The following PEX1 variants were observed in gnomAD, a reference collection of about 807,000 sequenced individuals.
PEX1 encodes peroxisomal ATPase PEX1.
In PEX1, 97 loss-of-function variants were observed where a neutral mutation model predicts 152.5. The ratio of observed to expected loss-of-function variants is 0.64; its 90% CI spans 0.54 to 0.75. The LOEUF (loss-of-function observed/expected upper bound fraction) is 0.75. Among genes scored for constraint, PEX1 ranks in the 30% least tolerant of loss-of-function variants. The probability of loss-of-function intolerance (pLI) is 0.00; values close to 1 mark genes in which losing one functional copy is unlikely to be tolerated. For synonymous variants in PEX1, 485 were observed against 531.6 expected, an observed-to-expected ratio of 0.91 and a Z score of 1.21; for missense variants, 1,357 against 1,516.3, an observed-to-expected ratio of 0.89 and a Z score of 1.74.
intron 2 of PEX1, among the ~76,000 whole-genome samples, chr7:92,521,657 C>A (rs998661408): frequency 6.6e-6 from 1 of 151,470 alleles, no homozygotes; most frequent in Non-Finnish European, 1.5e-5. Context: ...GGCTGGTCTC[C>A]AACTCCTGAC....
At chr7:92,497,077 C>T (rs778858613) in intron 16 of PEX1, among the ~76,000 whole-genome samples, 1 of 152,174 alleles carries the variant, frequency 6.6e-6, no homozygotes, top group Non-Finnish European at 1.5e-5. Context: ...CTATGACTCA[C>T]TCCAGTTACT....
At position 92,489,893 on chromosome 7, in the gene PEX1, CAG is replaced by C. The variant is rs759183382; in HGVS notation, c.3455_3456del (p.Ser1152CysfsTer78). On this transcript the variant is annotated frameshift_variant, in exon 22 of 24. Coordinates refer to ENST00000248633, the MANE Select transcript of PEX1 (RefSeq NM_000466.3). LOFTEE classifies it high-confidence loss of function. ...TSSDLSSQCLSAPSSMTQDLP... is the reference protein window; with the variant it reads ...TSSDLSSQCLXAPSSMTQDLP... The stretch of plus-strand genomic sequence containing the variant: ...AAATCCTGAGTCATGGAGCTTGGTG[CAG>C]AGAGACATTGTGAGCTCTGCATGGT... The C allele has an allele frequency of 1.9e-6, 3 of 1,613,590 alleles. No individual in the cohort carries two copies. In the African/African-American group the frequency reaches 4.0e-5, roughly 22 times the overall value.
chr7:92,498,084 A>C (rs1791742785), intron 16 of PEX1, among the ~76,000 whole-genome samples: 1 of 151,564 alleles, frequency 6.6e-6, no homozygotes, highest in Non-Finnish European at 1.5e-5. Context: ...AAAAAAAAAA[A>C]AAAAAACTAA....
At chr7:92,496,815 A>T in intron 16 of PEX1, 38 bp from the exon 17 acceptor site, 1 of 1,349,282 alleles carries the variant, frequency 7.4e-7, no homozygotes, top group East Asian at 2.3e-5. Context: ...AAATTATTTA[A>T]AAAGAAAATA....
At chr7:92,515,099 A>C (rs183858263) in intron 5 of PEX1, among the ~76,000 whole-genome samples, 11 of 6,290 alleles carry the variant, frequency 1.7e-3, no homozygotes, top group Admixed American at 9.4e-3. Context: ...ATATATATAT[A>C]TATATATATA....
At chr7:92,523,673 T>A (rs942523795) in intron 1 of PEX1, among the ~76,000 whole-genome samples, 1 of 151,950 alleles carries the variant, frequency 6.6e-6, no homozygotes, top group Non-Finnish European at 1.5e-5. Flanking sequence ...CAATAATAAA[T>A]TTTAAAAATC....
intron 17 of PEX1, 81 bp downstream of exon 17, chr7:92,496,632 C>CA (rs1304245274): frequency 1.1e-6 from 1 of 944,586 alleles, no homozygotes; most frequent in Non-Finnish European, 1.8e-6. Flanking sequence ...ATCAGTTCTT[C>CA]AAAAAACAAG....
intron 20 of PEX1, among the ~76,000 whole-genome samples, chr7:92,492,128 A>G (rs1791364613): frequency 6.6e-6 from 1 of 152,184 alleles, no homozygotes; most frequent in African/African-American, 2.4e-5. Flanking sequence ...TGGGATACAG[A>G]AAGTACAAGA....
chr7:92,489,502 A>G, intron 22 of PEX1, 79 bp from the exon 23 acceptor site: 2 of 1,305,796 alleles, frequency 1.5e-6, no homozygotes, highest in Non-Finnish European at 2.2e-6. Flanking sequence ...GTTACTTCTT[A>G]TTGTCAGTTT....
In PEX1 at chr7:92,518,219, C is replaced by A. The variant is rs747529442; in HGVS notation, c.394G>T (p.Asp132Tyr). The stretch of plus-strand genomic sequence containing the variant: ...TTTGGAAAAACTATTCGAATTTGAT[C>A]TAGAAGATGTTGTTCAAGGGAAACA... ...HAVSLEQHLL[D>Y]QIRIVFPKAI... Residue 132 changes from aspartate to tyrosine, a missense_variant, in exon 4 of 24, where the codon GAT becomes TAT. Asp to Tyr is a radical substitution (Grantham distance 160). Coordinates refer to ENST00000248633, the MANE Select transcript of PEX1 (RefSeq NM_000466.3). 5 of 1,613,314 alleles carry A rather than the reference C, an allele frequency of 3.1e-6. No individual in the cohort carries two copies. The highest frequency in any genetic ancestry group is 4.2e-6 in the Non-Finnish European group (5 of 1,179,410).
chr7:92,511,789 A>T (rs1792481473), intron 6 of PEX1, 86 bp from the exon 7 acceptor site: 3 of 1,282,590 alleles, frequency 2.3e-6, no homozygotes, highest in Non-Finnish European at 3.3e-6. Flanking sequence ...TCTTCCTAAT[A>T]AAGTGTAAGC....
intron 19 of PEX1, 59 bp from the exon 20 acceptor site, chr7:92,493,188 A>G: frequency 1.1e-6 from 1 of 951,544 alleles, no homozygotes; most frequent in Non-Finnish European, 1.6e-6. Flanking sequence ...ATTATCTTAA[A>G]TTGTGTATCT....
chr7:92,493,935 T>G, intron 19 of PEX1: 1 of 279,980 alleles, frequency 3.6e-6, no homozygotes, highest in Non-Finnish European at 6.9e-6. Flanking sequence ...CCTGCTTACA[T>G]GCTTACGATT....
At position 92,487,323 on chromosome 7, in the gene PEX1, C is replaced by T. The variant is rs1008875879; in HGVS notation, c.*134G>A. On this transcript the variant is annotated 3_prime_UTR_variant, in exon 24 of 24. Coordinates refer to ENST00000248633, the MANE Select transcript of PEX1 (RefSeq NM_000466.3). ...GATCATTACATAATTATAGCATTTA[C>T]CAATCTGTGATTTTATAAATTAACC... 3.4e-6 allele frequency: 2 copies of T among 586,002 alleles called. No homozygotes were observed. The highest frequency in any genetic ancestry group is 3.0e-6 in the Non-Finnish European group (1 of 329,800). 36.3% of individuals were successfully genotyped at this position (586,002 alleles called of 1,614,324 possible).
chr7:92,511,783 C>T, intron 6 of PEX1, 80 bp from the exon 7 acceptor site: 34 of 1,323,610 alleles, frequency 2.6e-5, no homozygotes, highest in Non-Finnish European at 3.6e-5. Context: ...ATCTGATCTT[C>T]CTAATAAAGT....
intron 1 of PEX1, among the ~76,000 whole-genome samples, chr7:92,526,151 G>A (rs1793258627): frequency 6.6e-6 from 1 of 152,180 alleles, no homozygotes; most frequent in Admixed American, 6.5e-5. Context: ...AGATGCTTAA[G>A]GTCTCTATCG....
At position 92,494,509 on chromosome 7, in the gene PEX1, CAACT is replaced by C; in HGVS notation, c.2900_2903del (p.Gln967ArgfsTer4). ...TACCCTGTAAGCCTTCTACTCCATC[CAACT>C]GAGTCAGCAACTGGTTAACTACTCG... On this transcript the variant is annotated frameshift_variant, in exon 18 of 24. Transcript: ENST00000248633. LOFTEE classifies it high-confidence loss of function. 6.2e-7 allele frequency: 1 copy of C among 1,613,868 alleles called. No homozygotes were observed. The highest frequency in any genetic ancestry group is 8.5e-7 in the Non-Finnish European group (1 of 1,179,818).
intron 17 of PEX1, 88 bp from the exon 18 acceptor site, chr7:92,494,717 T>G: frequency 2.1e-6 from 2 of 945,600 alleles, no homozygotes; most frequent in Non-Finnish European, 3.1e-6. Context: ...GTATTTATTT[T>G]ATGTATTTAT....
At chr7:92,504,061 T>G (rs944476767) in intron 12 of PEX1, among the ~76,000 whole-genome samples, 4 of 152,076 alleles carry the variant, frequency 2.6e-5, no homozygotes, top group African/African-American at 9.7e-5. Context: ...TGGTTCATGC[T>G]AATTTCTACT....
Sources: allele counts gnomAD v4.1 joint callset (sites outside exome capture counted in the v4.1 genomes callset), GRCh38; gene constraint gnomAD v4.1.1; transcripts MANE v1.5; gene names NCBI Gene and HGNC (gene_info 2026-07-23, HGNC 2026-07-21).